Variants in SUMF1 observed in about 807,000 individuals in gnomAD.
SUMF1 encodes formylglycine-generating enzyme.
In SUMF1, 48 loss-of-function variants were observed where a neutral mutation model predicts 47.6. The ratio of observed to expected loss-of-function variants is 1.01; its 90% CI spans 0.80 to 1.28. The LOEUF (loss-of-function observed/expected upper bound fraction) is 1.28, where lower values mean the gene tolerates loss of function less well. Ranked by LOEUF, SUMF1 falls within the 50% of genes most tolerant of loss-of-function variation. The pLI, the probability that SUMF1 is intolerant of heterozygous loss-of-function variation, is 0.00. For synonymous variants in SUMF1, 230 were observed against 192.1 expected (o/e 1.20, Z -1.63); for missense variants, 571 against 485.4 (o/e 1.18, Z -1.66).
intron 2 of SUMF1, among the ~76,000 whole-genome samples, chr3:4,450,407 A>G (rs1702929911): frequency 6.6e-6 from 1 of 152,134 alleles, no homozygotes; most frequent in Non-Finnish European, 1.5e-5. Flanking sequence ...AGATCTTACA[A>G]GCATCTCCAA....
At chr3:4,138,525 G>C (rs1693997193) in intron 8 of SUMF1, among the ~76,000 whole-genome samples, 1 of 152,074 alleles carries the variant, frequency 6.6e-6, no homozygotes, top group African/African-American at 2.4e-5. Flanking sequence ...TCAGCCACAT[G>C]GACAGTATGT....
At chr3:4,150,793 T>C (rs1033519298) in intron 8 of SUMF1, among the ~76,000 whole-genome samples, 4 of 151,476 alleles carry the variant, frequency 2.6e-5, no homozygotes, top group Admixed American at 6.6e-5. Context: ...CTGAGGAGTA[T>C]ATTGCTGCCC....
At chr3:4,371,574 A>G (rs1700169230) in intron 8 of SUMF1, among the ~76,000 whole-genome samples, 1 of 152,222 alleles carries the variant, frequency 6.6e-6, no homozygotes, top group African/African-American at 2.4e-5. Context: ...CACTAACACT[A>G]GACCAACTCC....
chr3:4,130,460 T>G (rs1473562014), intron 8 of SUMF1, among the ~76,000 whole-genome samples: 1 of 152,180 alleles, frequency 6.6e-6, no homozygotes, highest in Non-Finnish European at 1.5e-5. Context: ...TTGATCTCTT[T>G]TTGCTTCTGC....
intron 9 of SUMF1, among the ~76,000 whole-genome samples, chr3:4,036,343 G>C (rs371802659): frequency 6.6e-6 from 1 of 152,064 alleles, no homozygotes; most frequent in South Asian, 2.1e-4. Flanking sequence ...TTATTTTGAG[G>C]CTCTGCCTGG....
intron 8 of SUMF1, among the ~76,000 whole-genome samples, chr3:4,093,336 A>G (rs1417567322): frequency 6.6e-6 from 1 of 152,152 alleles, no homozygotes; most frequent in African/African-American, 2.4e-5. Context: ...AAATACAAAT[A>G]AATTAAAACT....
chr3:4,049,170 A>T (rs1695060060), intron 9 of SUMF1, among the ~76,000 whole-genome samples: 1 of 152,180 alleles, frequency 6.6e-6, no homozygotes. Flanking sequence ...CAGACATTGC[A>T]GGCTGTCTGA....
intron 8 of SUMF1, among the ~76,000 whole-genome samples, chr3:4,327,123 G>A (rs1022725494): frequency 3.9e-5 from 6 of 152,016 alleles, no homozygotes; most frequent in African/African-American, 1.2e-4. Flanking sequence ...AAAATAGATC[G>A]ATTTTTTTCT....
At chr3:4,131,601 A>G (rs193146133) in intron 8 of SUMF1, among the ~76,000 whole-genome samples, 8 of 152,262 alleles carry the variant, frequency 5.3e-5, no homozygotes, top group Admixed American at 1.3e-4. Context: ...ATGCAATTAC[A>G]TACTGATTCA....
intron 8 of SUMF1, among the ~76,000 whole-genome samples, chr3:4,181,992 C>T (rs1449415382): frequency 1.3e-5 from 2 of 152,272 alleles, no homozygotes; most frequent in African/African-American, 2.4e-5. Flanking sequence ...CTAAAATATA[C>T]ATAATTTCAT....
At chr3:4,101,534 A>C (rs555107829) in intron 8 of SUMF1, among the ~76,000 whole-genome samples, 1 of 152,140 alleles carries the variant, frequency 6.6e-6, no homozygotes, top group Non-Finnish European at 1.5e-5. Context: ...GTCAACAGAC[A>C]CAAAGTTACA....
At chr3:4,050,748 CAAAA>C (rs34228101) in intron 9 of SUMF1, among the ~76,000 whole-genome samples, 11,045 of 86,718 alleles carry the variant, frequency 0.13, 317 homozygotes, top group Middle Eastern at 0.2. Flanking sequence ...GACCCTGTCT[CAAAA>C]AAAAAAAAAA....
chr3:4,169,979 A>C (rs148508034), intron 8 of SUMF1, among the ~76,000 whole-genome samples: 101 of 152,318 alleles, frequency 6.6e-4, no homozygotes, highest in African/African-American at 2.1e-3. Context: ...ATTTTCAATA[A>C]GAATGAGACA....
At chr3:4,400,439 G>A (rs890053761) in intron 7 of SUMF1, among the ~76,000 whole-genome samples, 3 of 152,186 alleles carry the variant, frequency 2.0e-5, no homozygotes, top group Non-Finnish European at 2.9e-5. Context: ...AAATTCTCTG[G>A]AGGCAAGGAC....
At chr3:4,262,309 T>A (rs181334935) in intron 8 of SUMF1, among the ~76,000 whole-genome samples, 33 of 152,250 alleles carry the variant, frequency 2.2e-4, no homozygotes, top group African/African-American at 7.9e-4. Context: ...CAAGGCTTAT[T>A]ATAAATTCCA....
rs1043535067 is a variant in SUMF1 at position 4,402,483 on chromosome 3, G to T, written c.954+8382C>A. ...TAGGAGCTTCTTAACAGCAAGACTGGTGTTTCACATACCTGTATCCCAAGA... is the reference window on the plus strand; with the variant it reads ...TAGGAGCTTCTTAACAGCAAGACTGTTGTTTCACATACCTGTATCCCAAGA... On this transcript the variant is annotated intron_variant, in intron 7 of 8. Coordinates refer to ENST00000272902, the MANE Select transcript of SUMF1 (RefSeq NM_182760.4). Among the ~76,000 whole-genome samples the T allele has an allele frequency of 2.0e-4, 31 of 152,206 alleles. 1 individual carries two copies. The highest frequency in any genetic ancestry group is 2.9e-5 in the Non-Finnish European group (2 of 68,036).
chr3:4,312,659 A>AGCACT (rs1698452307), intron 8 of SUMF1, among the ~76,000 whole-genome samples: 1 of 151,224 alleles, frequency 6.6e-6, no homozygotes, highest in Non-Finnish European at 1.5e-5. Flanking sequence ...CTGTGATCAC[A>AGCACT]GCACTGCACT....
At position 4,176,581 on chromosome 3, in the gene SUMF1, A is replaced by C. The variant is rs138139542; in HGVS notation, c.1015-107836T>G. On this transcript the variant is annotated intron_variant and NMD_transcript_variant, in intron 8 of 12. Transcript: ENST00000448413. Reference sequence around the variant, plus strand: ...AACAACCAGTACCAGCTACTGAAAAAACAGGCCAAATTGTAAAGACCATCG... The same window carrying C: ...AACAACCAGTACCAGCTACTGAAAACACAGGCCAAATTGTAAAGACCATCG... Among the ~76,000 whole-genome samples, 343 of 152,342 alleles carry C rather than the reference A, an allele frequency of 2.3e-3. 2 individuals are homozygous for C. The highest frequency in any genetic ancestry group is 8.0e-3 in the African/African-American group (331 of 41,572).
At chr3:4,151,372 CAT>C (rs1440257200) in intron 8 of SUMF1, among the ~76,000 whole-genome samples, 10 of 142,822 alleles carry the variant, frequency 7.0e-5, no homozygotes, top group African/African-American at 1.9e-4. Flanking sequence ...TATATATATA[CAT>C]GTGTGTATAT....
Sources: gnomAD v4.1 joint callset for allele counts (sites outside exome capture counted in the v4.1 genomes callset) on GRCh38, gnomAD v4.1.1 for gene constraint, MANE v1.5 for transcripts, NCBI Gene and HGNC (gene_info 2026-07-23, HGNC 2026-07-21) for gene names.